The following OSBP variants were observed in gnomAD, a reference collection of about 807,000 sequenced individuals.
The protein encoded by OSBP is oxysterol-binding protein 1.
OSBP carries 32 observed loss-of-function variants against 96.6 expected under a neutral mutation model. The observed-to-expected ratio is 0.33, with a 90% CI of 0.25 to 0.45. OSBP has a LOEUF of 0.45. OSBP is among the 20% of genes least tolerant of loss of function. The probability of loss-of-function intolerance (pLI) is 1.00; values close to 1 mark genes in which losing one functional copy is unlikely to be tolerated. For synonymous variants in OSBP, 369 were observed against 389.6 expected, an observed-to-expected ratio of 0.95 and a Z score of 0.62; for missense variants, 653 against 1,029.7, an observed-to-expected ratio of 0.63 and a Z score of 5.01.
rs980080907 is a variant in OSBP at position 59,601,977 on chromosome 11, G to A, written c.823-139C>T. 8.6e-6 allele frequency: 6 copies of A among 699,518 alleles called. No homozygotes were observed. In the Admixed American group the frequency reaches 1.5e-4, roughly 18 times the overall value. 43.3% of individuals were successfully genotyped at this position (699,518 alleles called of 1,614,324 possible). On this transcript the variant is annotated intron_variant, in intron 3 of 13. Coordinates refer to ENST00000263847, the MANE Select transcript of OSBP (RefSeq NM_002556.3). ...TGAAAGACTTTCCCTTTTATGCCAAGGTATCAGGGACAGCTAGCTCCACGC... is the reference window on the plus strand; with the variant it reads ...TGAAAGACTTTCCCTTTTATGCCAAAGTATCAGGGACAGCTAGCTCCACGC...
chr11:59,604,474 G>A (rs12795831), intron 3 of OSBP, among the ~76,000 whole-genome samples: 2,458 of 152,220 alleles, frequency 0.016, 26 homozygotes, highest in Non-Finnish European at 0.028. Context: ...GGCCGAGGCA[G>A]GCAAATCACC....
rs376341328 is a variant in OSBP, at chr11:59,581,561, G to A, written c.1679-7C>T. 2.0e-5 allele frequency: 31 copies of A among 1,560,616 alleles called. No homozygotes were observed. In the African/African-American group the frequency reaches 4.1e-4, roughly 20 times the overall value. On this transcript the variant is annotated splice_polypyrimidine_tract_variant and splice_region_variant and intron_variant, in intron 9 of 13. Coordinates refer to ENST00000263847, the MANE Select transcript of OSBP (RefSeq NM_002556.3). Reference sequence around the variant, plus strand: ...AAAATACAATGAATGGTACCTGGAAGCAGAAAGAGGTATCCAAATTAAGCC... The same window carrying A: ...AAAATACAATGAATGGTACCTGGAAACAGAAAGAGGTATCCAAATTAAGCC...
At position 59,608,884 on chromosome 11, in the gene OSBP, T is replaced by C. The variant is rs1343517075; in HGVS notation, c.572-150A>G. ...TTGCCATTACCAGATGGTTTCTCTA[T>C]AGTGTGGTCCACAGATCACCTGCAC... On this transcript the variant is annotated intron_variant, in intron 2 of 13. Transcript: ENST00000263847. The C allele has an allele frequency of 1.9e-5, 14 of 739,428 alleles. 1 individual carries two copies. The highest frequency in any genetic ancestry group is 3.9e-4 in the Middle Eastern group (1 of 2,560). 45.8% of individuals were successfully genotyped at this position (739,428 alleles called of 1,614,324 possible).
rs2134663314 is a variant in OSBP at position 59,593,565 on chromosome 11, T to C, written c.1678+39A>G. 4 of 1,612,018 alleles carry C rather than the reference T, an allele frequency of 2.5e-6. No individual in the cohort carries two copies. The East Asian group carries it at 8.9e-5, about 36-fold the overall frequency. On this transcript the variant is annotated intron_variant, in intron 9 of 13. Coordinates refer to ENST00000263847, the MANE Select transcript of OSBP (RefSeq NM_002556.3). Reference sequence around the variant, plus strand: ...CTCCATCGTGCCAGAAAACCTTTCATTCCAGGAGCATTAATTCTGACAAAG... The same window carrying C: ...CTCCATCGTGCCAGAAAACCTTTCACTCCAGGAGCATTAATTCTGACAAAG...
intron 7 of OSBP, among the ~76,000 whole-genome samples, chr11:59,597,861 A>G (rs184243580): frequency 6.6e-6 from 1 of 152,230 alleles, no homozygotes; most frequent in Non-Finnish European, 1.5e-5. Flanking sequence ...TCGTGCCACC[A>G]TGCCCCACTA....
chr11:59,592,889 G>A (rs1221495020), intron 9 of OSBP, among the ~76,000 whole-genome samples: 1 of 151,322 alleles, frequency 6.6e-6, no homozygotes, highest in Non-Finnish European at 1.5e-5. Flanking sequence ...TCCGCCTCCC[G>A]GGTTCAAGCA....
At chr11:59,593,862 G>A (rs1224390383) in intron 8 of OSBP, 138 bp from the exon 9 acceptor site, 31 of 1,414,990 alleles carry the variant, frequency 2.2e-5, no homozygotes, top group Admixed American at 9.1e-5. Flanking sequence ...AACCTCCAGG[G>A]TCTCCAACGC....
Position 59,581,528 on chromosome 11 carries a change from T to C in OSBP, c.1705A>G (p.Thr569Ala), listed in dbSNP as rs372017413. The change falls in exon 10 of 14, where the codon ACT (threonine) becomes GCT (alanine). Residue 569 changes from threonine (T) to alanine (A), a missense_variant. Physicochemically the swap from Thr to Ala is moderately conservative, Grantham distance 58. This residue lies in a region of OSBP where 19 missense variants were observed against 16.1 expected (regional missense o/e 1.18). Transcript: ENST00000263847. ...TTCTTCCAAGTGTAGTGGTGCCCAGTTGCATGGAAAATACAATGAATGGTA... is the reference window on the plus strand; with the variant it reads ...TTCTTCCAAGTGTAGTGGTGCCCAGCTGCATGGAAAATACAATGAATGGTA... ...LGTIHCIFHA[T>A]GHHYTWKKVT... 2 of 1,611,914 alleles carry C rather than the reference T, an allele frequency of 1.2e-6. No individual in the cohort carries two copies. The highest frequency in any genetic ancestry group is 1.7e-5 in the Admixed American group (1 of 60,010).
intron 9 of OSBP, among the ~76,000 whole-genome samples, chr11:59,582,667 T>C (rs989025889): frequency 6.6e-6 from 1 of 152,194 alleles, no homozygotes; most frequent in Non-Finnish European, 1.5e-5. Context: ...GCAGGTGGCC[T>C]AGGGCCTCCA....
chr11:59,602,892 T>G (rs1860739708), intron 3 of OSBP, among the ~76,000 whole-genome samples: 1 of 152,224 alleles, frequency 6.6e-6, no homozygotes, highest in South Asian at 2.1e-4. Context: ...AGTGTTGGGA[T>G]TACAGGCATG....
chr11:59,595,319 GAAGA>G (rs969796524), intron 7 of OSBP, among the ~76,000 whole-genome samples: 1 of 145,880 alleles, frequency 6.9e-6, no homozygotes, highest in Non-Finnish European at 1.5e-5. Context: ...GAGAACAAAA[GAAGA>G]AAGAAAAAAT....
At chr11:59,608,393 T>C in intron 3 of OSBP, 91 bp downstream of exon 3, 1 of 1,506,704 alleles carries the variant, frequency 6.6e-7, no homozygotes, top group Non-Finnish European at 9.2e-7. Flanking sequence ...TGTTCTGTGC[T>C]TTATCAATTA....
In OSBP at chr11:59,610,552, T is replaced by C. The variant is rs2134709789; in HGVS notation, c.400A>G (p.Ile134Val). ...AEMRHTCRGTINLATANITVE... is the reference protein window; with the variant it reads ...AEMRHTCRGTVNLATANITVE... Reference sequence around the variant, plus strand: ...GTGATGTTGGCTGTGGCGAGGTTGATGGTACCACGGCAGGTATGTCTCATT... The same window carrying C: ...GTGATGTTGGCTGTGGCGAGGTTGACGGTACCACGGCAGGTATGTCTCATT... The change falls in exon 2 of 14, where the codon ATC becomes GTC. Residue 134 changes from isoleucine (I) to valine (V), a missense_variant. Transcript: ENST00000263847. The C allele has an allele frequency of 6.2e-7, 1 of 1,614,220 alleles. No individual in the cohort carries two copies. The highest frequency in any genetic ancestry group is 8.5e-7 in the Non-Finnish European group (1 of 1,180,010).
At chr11:59,605,775 T>A (rs879788202) in intron 3 of OSBP, among the ~76,000 whole-genome samples, 1 of 152,220 alleles carries the variant, frequency 6.6e-6, no homozygotes, top group African/African-American at 2.4e-5. Context: ...ACATCAATTA[T>A]CTGACAAAAG....
At chr11:59,611,204 G>T (rs1012551696) in intron 1 of OSBP, among the ~76,000 whole-genome samples, 19 of 151,532 alleles carry the variant, frequency 1.3e-4, no homozygotes, top group African/African-American at 4.6e-4. Context: ...ATAACTACAT[G>T]CAATGTTAAT....
At position 59,576,785 on chromosome 11, in the gene OSBP, G is replaced by C. The variant is rs765311118; in HGVS notation, c.2281+20C>G. 2 of 1,613,350 alleles carry C rather than the reference G, an allele frequency of 1.2e-6. No homozygotes were observed. The highest frequency in any genetic ancestry group is 3.3e-5 in the Admixed American group (2 of 59,808). ...ATTCTCCATGCATCAAGAAAGAAGA[G>C]TAGAAGGGAAGTTCATTACCATCCT... On this transcript the variant is annotated intron_variant, in intron 13 of 13. Transcript: ENST00000263847.
Position 59,581,490 on chromosome 11 carries a change from A to C in OSBP, c.1743T>G (p.Thr581=), listed in dbSNP as rs1329725292. The C allele has an allele frequency of 6.2e-7, 1 of 1,612,708 alleles. No homozygotes were observed. Among genetic ancestry groups the C allele is most frequent in the African/African-American group, 1.3e-5 (1 of 75,016 alleles). ...ACTTGCCCACAATAATGTTGTGTAC[A>C]GTTGTGGTAACTTTCTTCCAAGTGT... The part of the protein sequence containing the change: ...HHYTWKKVTT[T]VHNIIVGKLW... Residue 581 remains threonine (T), a synonymous_variant, in exon 10 of 14, where the codon ACT becomes ACG. Coordinates refer to ENST00000263847, the MANE Select transcript of OSBP (RefSeq NM_002556.3).
intron 3 of OSBP, among the ~76,000 whole-genome samples, chr11:59,604,711 T>C (rs1402729978): frequency 7.0e-6 from 1 of 143,050 alleles, no homozygotes; most frequent in African/African-American, 2.6e-5. Context: ...AAAAAAAAAG[T>C]TGAGTGTAGC....
chr11:59,601,240 G>C (rs1256461939), intron 5 of OSBP, 43 bp downstream of exon 5: 2 of 1,083,956 alleles, frequency 1.8e-6, no homozygotes, highest in South Asian at 2.5e-5. Flanking sequence ...CATATTGATG[G>C]TGAAGATATG....
Sources: allele counts gnomAD v4.1 joint callset (sites outside exome capture counted in the v4.1 genomes callset), GRCh38; gene constraint gnomAD v4.1.1; regional missense constraint gnomAD v4.1.1; transcripts MANE v1.5; gene names NCBI Gene and HGNC (gene_info 2026-07-23, HGNC 2026-07-21).